SI: variants seen among roughly 807,000 people sequenced by gnomAD.
The protein encoded by SI is sucrase-isomaltase, also known as sucrase-isomaltase, intestinal.
SI carries 235 observed loss-of-function variants against 253.3 expected under a neutral mutation model. The ratio of observed to expected loss-of-function variants is 0.93; its 90% CI spans 0.83 to 1.03. The LOEUF (loss-of-function observed/expected upper bound fraction) is 1.03. Ranked by LOEUF, SI falls within the 50% of genes least tolerant of loss-of-function variation. The probability of loss-of-function intolerance (pLI) is 0.00; values close to 1 mark genes in which losing one functional copy is unlikely to be tolerated. For missense variants in SI, 2,442 were observed against 2,211.1 expected (o/e 1.10, Z -2.09); for synonymous variants, 819 against 712.0 (o/e 1.15, Z -2.39).
chr3:165,042,529 A>G (rs1025203582), intron 17 of SI, among the ~76,000 whole-genome samples: 1 of 152,002 alleles, frequency 6.6e-6, no homozygotes, highest in Non-Finnish European at 1.5e-5. Context: ...TTCTGCTCCT[A>G]CCAGTCCAAA....
intron 35 of SI, 48 bp downstream of exon 35, chr3:165,009,231 A>G (rs1718656426): frequency 1.5e-5 from 18 of 1,235,632 alleles, no homozygotes; most frequent in Non-Finnish European, 2.0e-5. Flanking sequence ...TTGCATAATC[A>G]CTGCACAATA....
chr3:164,987,316 A>C, intron 44 of SI, 90 bp from the exon 45 acceptor site: 1 of 1,052,338 alleles, frequency 9.5e-7, no homozygotes, highest in Non-Finnish European at 1.5e-6. Context: ...ATCTATAGGA[A>C]CCCAAGCATT....
intron 22 of SI, 96 bp downstream of exon 22, chr3:165,036,293 T>C (rs1031810825): frequency 5.4e-5 from 43 of 799,696 alleles, no homozygotes; most frequent in Non-Finnish European, 8.5e-5. Flanking sequence ...AAAATAAAAA[T>C]TCGTGATATT....
At chr3:165,061,854 A>G (rs1036329959) in intron 9 of SI, among the ~76,000 whole-genome samples, 1 of 151,970 alleles carries the variant, frequency 6.6e-6, no homozygotes, top group African/African-American at 2.4e-5. Flanking sequence ...CTGGAGATGT[A>G]AAGTTTCAGG....
At chr3:165,082,358 G>T (rs1264991065), upstream of SI, among the ~76,000 whole-genome samples, 1 of 151,628 alleles carries the variant, frequency 6.6e-6, no homozygotes, top group South Asian at 2.1e-4. Context: ...TTTCCTAACT[G>T]GTCTCCCAAA....
At chr3:165,029,611 T>TATATATATAC (rs1712127376) in intron 25 of SI, among the ~76,000 whole-genome samples, 1 of 145,410 alleles carries the variant, frequency 6.9e-6, no homozygotes, top group African/African-American at 2.5e-5. Context: ...CATATATATG[T>TATATATATAC]ATATATATGT....
At position 165,019,299 on chromosome 3, in the gene SI, T is replaced by C. The variant is rs11921858; in HGVS notation, c.3423+303A>G. The stretch of plus-strand genomic sequence containing the variant: ...CTAAAAGCTGGAGTAAAGGTAAACT[T>C]GACAGGGAATACAGAATCAGCATAT... On this transcript the variant is annotated intron_variant, in intron 28 of 47. Transcript: ENST00000264382. Among the ~76,000 whole-genome samples the C allele has an allele frequency of 7.8e-4, 118 of 152,044 alleles. 2 individuals carry two copies. The highest frequency in any genetic ancestry group is 2.4e-3 in the African/African-American group (100 of 41,526).
chr3:165,048,565 A>G (rs868715217), intron 15 of SI, among the ~76,000 whole-genome samples: 10 of 68,834 alleles, frequency 1.5e-4, no homozygotes, highest in African/African-American at 6.0e-4. Context: ...ACATATATAT[A>G]TGTATATATA....
At position 165,021,329 on chromosome 3, in the gene SI, T is replaced by A; in HGVS notation, c.3154A>T (p.Thr1052Ser). The A allele has an allele frequency of 1.9e-6, 3 of 1,610,974 alleles. No homozygotes were observed. The highest frequency in any genetic ancestry group is 2.5e-6 in the Non-Finnish European group (3 of 1,177,684). ...TCTTCATAAGTACTTATTGGGGTGG[T>A]TGGAATGTTTAACGGTACTGGTACT... ...YEVPVPLNIP[T>S]TPISTYEDRL... is the part of the protein sequence containing the mutation. Residue 1052 changes from threonine (T) to serine (S), a missense_variant, in exon 27 of 48, where the codon ACC becomes TCC. Coordinates refer to ENST00000264382, the MANE Select transcript of SI (RefSeq NM_001041.4).
the SI span, among the ~76,000 whole-genome samples, chr3:165,086,376 T>G: frequency 1.3e-5 from 2 of 152,176 alleles, no homozygotes; most frequent in Non-Finnish European, 2.9e-5. Flanking sequence ...AATGCTGTGC[T>G]TTGGATAGGA....
chr3:165,052,357 C>A (rs528412671), intron 13 of SI, among the ~76,000 whole-genome samples: 1 of 152,134 alleles, frequency 6.6e-6, no homozygotes, highest in Non-Finnish European at 1.5e-5. Flanking sequence ...GTAATAAAAA[C>A]ATCTAAAGAT....
chr3:165,003,658 G>T (rs1048023927), intron 37 of SI, among the ~76,000 whole-genome samples: 1 of 151,952 alleles, frequency 6.6e-6, no homozygotes, highest in African/African-American at 2.4e-5. Context: ...TCAGCTATTT[G>T]TTAGAACAGA....
chr3:165,032,190 G>A (rs1185915214), intron 24 of SI, among the ~76,000 whole-genome samples: 3 of 151,268 alleles, frequency 2.0e-5, no homozygotes, highest in South Asian at 2.1e-4. Context: ...ATTTTCTTTT[G>A]CGTGCAATAG....
intron 3 of SI, 105 bp from the exon 4 acceptor site, chr3:165,069,300 A>G: frequency 1.2e-6 from 1 of 813,972 alleles, no homozygotes; most frequent in Non-Finnish European, 2.1e-6. Flanking sequence ...TAACTTTTTC[A>G]AATGTATAAT....
chr3:165,049,832 C>G lies in SI; in HGVS notation c.1556G>C (p.Gly519Ala). 6.2e-7 allele frequency: 1 copy of G among 1,608,944 alleles called. No homozygotes were observed. Among genetic ancestry groups the G allele is most frequent in the Non-Finnish European group, 8.5e-7 (1 of 1,176,138 alleles). The change falls in exon 14 of 48, where the codon GGA (glycine) becomes GCA (alanine). Residue 519 changes from glycine to alanine, a missense_variant. Physicochemically the swap from Gly to Ala is moderately conservative, Grantham distance 60. Coordinates refer to ENST00000264382, the MANE Select transcript of SI (RefSeq NM_001041.4). ...ATAATTCAATTTGTTTACATTACAT[C>G]CTTTTGTTGAACCTTGAATAAAGCT... ...VSSFIQGSTKGCNVNKLNYPP... is the reference protein window; with the variant it reads ...VSSFIQGSTKACNVNKLNYPP...
At position 165,009,274 on chromosome 3, in the gene SI, C is replaced by G. The variant is rs974700199; in HGVS notation, c.4179+5G>C. 8 of 1,556,622 alleles carry G rather than the reference C, an allele frequency of 5.1e-6. No individual in the cohort carries two copies. Among genetic ancestry groups the G allele is most frequent in the Non-Finnish European group, 6.2e-6 (7 of 1,127,910 alleles). On this transcript the variant is annotated splice_donor_5th_base_variant and intron_variant, in intron 35 of 47. Coordinates refer to ENST00000264382, the MANE Select transcript of SI (RefSeq NM_001041.4). ...TAAAACATAGATTGTTCAAAGCTTA[C>G]TTACAATCCACAAACCATCAAACTT...
intron 37 of SI, among the ~76,000 whole-genome samples, chr3:165,004,618 G>T (rs188672991): frequency 6.6e-4 from 100 of 152,090 alleles, no homozygotes; most frequent in Middle Eastern, 6.8e-3. Flanking sequence ...CTATAAAAAA[G>T]AATAAAATCC....
At chr3:164,991,509 G>A in intron 43 of SI, 32 bp from the exon 44 acceptor site, 1 of 1,612,338 alleles carries the variant, frequency 6.2e-7, no homozygotes, top group South Asian at 1.1e-5. Flanking sequence ...AGAACAGGTG[G>A]AGCAAGAAAT....
At chr3:165,058,126 C>G (rs933254079) in intron 12 of SI, among the ~76,000 whole-genome samples, 16 of 151,506 alleles carry the variant, frequency 1.1e-4, no homozygotes, top group African/African-American at 3.6e-4. Context: ...AAATAAATAA[C>G]AAGAATAACT....
Sources: gnomAD v4.1 joint callset for allele counts (sites outside exome capture counted in the v4.1 genomes callset) on GRCh38, gnomAD v4.1.1 for gene constraint, MANE v1.5 for transcripts, NCBI Gene and HGNC (gene_info 2026-07-23, HGNC 2026-07-21) for gene names.